Variants in CRPPA observed in about 807,000 individuals in gnomAD.
CRPPA encodes D-ribitol-5-phosphate cytidylyltransferase.
Under a neutral mutation model 52.0 loss-of-function variants are expected in CRPPA, and 43 were observed. The ratio of observed to expected loss-of-function variants is 0.83; its 90% CI spans 0.65 to 1.07. CRPPA has a LOEUF of 1.07. CRPPA is among the 50% of genes least tolerant of loss of function. The pLI, the probability that CRPPA is intolerant of heterozygous loss-of-function variation, is 0.00. For missense variants in CRPPA, 629 were observed against 551.7 expected (o/e 1.14, Z -1.40); for synonymous variants, 250 against 203.5 (o/e 1.23, Z -1.94).
At chr7:16,119,757 G>A (rs1241594328) in intron 9 of CRPPA, among the ~76,000 whole-genome samples, 1 of 152,194 alleles carries the variant, frequency 6.6e-6, no homozygotes, top group Non-Finnish European at 1.5e-5. Context: ...GTTATAAAAA[G>A]TTTAATTCAC....
chr7:16,172,275 T>C (rs926696800), intron 9 of CRPPA, among the ~76,000 whole-genome samples: 5 of 152,182 alleles, frequency 3.3e-5, no homozygotes, highest in Admixed American at 6.6e-5. Flanking sequence ...AAGTTGGGTC[T>C]GCATCTAGAG....
At chr7:16,167,858 C>G (rs979514439) in intron 9 of CRPPA, among the ~76,000 whole-genome samples, 1 of 152,196 alleles carries the variant, frequency 6.6e-6, no homozygotes, top group Non-Finnish European at 1.5e-5. Flanking sequence ...TCATCCCACC[C>G]TATTTATCTA....
intron 3 of CRPPA, among the ~76,000 whole-genome samples, chr7:16,328,345 C>T (rs1282440690): frequency 6.6e-6 from 1 of 152,174 alleles, no homozygotes; most frequent in Non-Finnish European, 1.5e-5. Context: ...AAGTAGTTAA[C>T]TACATTCTAA....
intron 8 of CRPPA, among the ~76,000 whole-genome samples, chr7:16,249,216 C>G (rs1783368680): frequency 6.6e-6 from 1 of 152,134 alleles, no homozygotes; most frequent in African/African-American, 2.4e-5. Flanking sequence ...GAACAAAAGG[C>G]AGCAGCCCCA....
chr7:16,246,660 C>T (rs1257637186), intron 8 of CRPPA, among the ~76,000 whole-genome samples: 2 of 152,202 alleles, frequency 1.3e-5, no homozygotes, highest in East Asian at 3.9e-4. Flanking sequence ...TTTTTTTATA[C>T]TCCATCAAAG....
At position 16,316,641 on chromosome 7, in the gene CRPPA, C is replaced by T. The variant is rs1236850617; in HGVS notation, c.685-8014G>A. ...CTTTGAGAGGCCAAGGTGGGACCATCGCTTGAGGCCAGGAGTTCAAGACCA... is the reference window on the plus strand; with the variant it reads ...CTTTGAGAGGCCAAGGTGGGACCATTGCTTGAGGCCAGGAGTTCAAGACCA... On this transcript the variant is annotated intron_variant, in intron 3 of 9. Coordinates refer to ENST00000407010, the MANE Select transcript of CRPPA (RefSeq NM_001101426.4). Among the ~76,000 whole-genome samples, 8 of 152,104 alleles carry T rather than the reference C, an allele frequency of 5.3e-5. No homozygotes were observed. In the East Asian group the frequency reaches 1.4e-3, roughly 26 times the overall value.
At chr7:16,250,289 G>C (rs531177332) in intron 8 of CRPPA, among the ~76,000 whole-genome samples, 2 of 152,290 alleles carry the variant, frequency 1.3e-5, no homozygotes, top group Non-Finnish European at 2.9e-5. Flanking sequence ...CACCAAGTTG[G>C]AAAACACTCT....
chr7:16,300,293 T>A (rs1168322114), intron 5 of CRPPA, among the ~76,000 whole-genome samples: 1 of 152,218 alleles, frequency 6.6e-6, no homozygotes, highest in Admixed American at 6.5e-5. Context: ...TTTCCCAAAA[T>A]TTTTTAATAA....
intron 3 of CRPPA, among the ~76,000 whole-genome samples, chr7:16,342,306 C>T (rs755748812): frequency 1.3e-5 from 2 of 152,062 alleles, no homozygotes; most frequent in Non-Finnish European, 2.9e-5. Context: ...AAATAAACCA[C>T]TAATTCTCTC....
intron 2 of CRPPA, among the ~76,000 whole-genome samples, chr7:16,395,040 A>T (rs1787534600): frequency 6.6e-6 from 1 of 152,212 alleles, no homozygotes; most frequent in Non-Finnish European, 1.5e-5. Flanking sequence ...TATGACAAGT[A>T]TAAACAAGTT....
At chr7:16,294,280 G>T (rs1784627055) in intron 5 of CRPPA, among the ~76,000 whole-genome samples, 1 of 151,750 alleles carries the variant, frequency 6.6e-6, no homozygotes, top group Non-Finnish European at 1.5e-5. Context: ...TCAGTGGCTG[G>T]CTTTTGTCTG....
At chr7:16,296,029 T>A (rs1344051945) in intron 5 of CRPPA, among the ~76,000 whole-genome samples, 6 of 152,164 alleles carry the variant, frequency 3.9e-5, no homozygotes, top group Admixed American at 1.3e-4. Context: ...TTATGACGAA[T>A]ACTTTTTTAT....
chr7:16,395,871 T>C (rs567737105), intron 2 of CRPPA, among the ~76,000 whole-genome samples: 1 of 152,220 alleles, frequency 6.6e-6, no homozygotes, highest in East Asian at 1.9e-4. Flanking sequence ...AACGGAAACA[T>C]AGAAGTGGGT....
intron 8 of CRPPA, among the ~76,000 whole-genome samples, chr7:16,254,563 G>A (rs1783562483): frequency 4.6e-5 from 7 of 151,836 alleles, no homozygotes; most frequent in Admixed American, 3.3e-4. Flanking sequence ...ACAGGGTGGG[G>A]AACATCAAAC....
intron 3 of CRPPA, among the ~76,000 whole-genome samples, chr7:16,327,684 A>C (rs1311955676): frequency 6.6e-6 from 1 of 151,722 alleles, no homozygotes; most frequent in Non-Finnish European, 1.5e-5. Context: ...CCAGGGTAAG[A>C]TATTCCTACA....
At chr7:16,371,615 A>G (rs1786750822) in intron 3 of CRPPA, among the ~76,000 whole-genome samples, 1 of 152,112 alleles carries the variant, frequency 6.6e-6, no homozygotes, top group Non-Finnish European at 1.5e-5. Context: ...ATAAGAAAGA[A>G]TCAGAAAAGT....
At chr7:16,332,078 AAC>A (rs1785564211) in intron 3 of CRPPA, among the ~76,000 whole-genome samples, 1 of 152,200 alleles carries the variant, frequency 6.6e-6, no homozygotes, top group Non-Finnish European at 1.5e-5. Context: ...CAGGGGAATC[AAC>A]ACCTTACCTA....
At chr7:16,205,434 G>A (rs769688346) in intron 9 of CRPPA, among the ~76,000 whole-genome samples, 2 of 152,104 alleles carry the variant, frequency 1.3e-5, no homozygotes, top group African/African-American at 4.8e-5. Context: ...CAGGTCACTT[G>A]TTAAAAATTA....
At chr7:16,208,183 A>G (rs1782019203) in intron 9 of CRPPA, among the ~76,000 whole-genome samples, 1 of 152,214 alleles carries the variant, frequency 6.6e-6, no homozygotes, top group African/African-American at 2.4e-5. Flanking sequence ...TAAAACATAA[A>G]ACTCATAAAG....
Sources: gnomAD v4.1 joint callset for allele counts (sites outside exome capture counted in the v4.1 genomes callset) on GRCh38, gnomAD v4.1.1 for gene constraint, MANE v1.5 for transcripts, NCBI Gene and HGNC (gene_info 2026-07-23, HGNC 2026-07-21) for gene names.